CSGALNACT1: variants seen among roughly 807,000 people sequenced by gnomAD.
The protein encoded by CSGALNACT1 is chondroitin sulfate N-acetylgalactosaminyltransferase 1.
CSGALNACT1 carries 52 observed loss-of-function variants against 51.0 expected under a neutral mutation model. The ratio of observed to expected loss-of-function variants is 1.02; its 90% CI spans 0.82 to 1.29. The LOEUF is 1.29. CSGALNACT1 is among the 50% of genes most tolerant of loss of function. CSGALNACT1 has a pLI of 0.00. For missense variants in CSGALNACT1, 935 were observed against 679.2 expected (o/e 1.38, Z -4.19); for synonymous variants, 341 against 254.4 (o/e 1.34, Z -3.24).
chr8:19,440,659 A>G (rs915284284), intron 5 of CSGALNACT1, among the ~76,000 whole-genome samples: 12 of 152,140 alleles, frequency 7.9e-5, no homozygotes, highest in Admixed American at 3.3e-4. Context: ...AACTGGCACA[A>G]GACAGGGATG....
intron 4 of CSGALNACT1, among the ~76,000 whole-genome samples, chr8:19,466,216 G>C (rs932010835): frequency 5.3e-5 from 8 of 152,216 alleles, no homozygotes; most frequent in African/African-American, 1.9e-4. Flanking sequence ...CAGAAATGCT[G>C]AGAGTGGTAA....
At position 19,668,827 on chromosome 8, in the gene CSGALNACT1, A is replaced by G. The variant is rs544148687; in HGVS notation, c.-544+13646T>C. On this transcript the variant is annotated intron_variant, in intron 1 of 9. Transcript: ENST00000332246. ...CTAGGCCTCACAAAGTGCTGGGATT[A>G]CAGGAGTGAGCCACTGTGCCCGGCC... Among the ~76,000 whole-genome samples, 18 of 152,338 alleles carry G rather than the reference A, an allele frequency of 1.2e-4. No individual in the cohort carries two copies. The South Asian group carries it at 3.1e-3, about 26-fold the overall frequency.
intron 8 of CSGALNACT1, among the ~76,000 whole-genome samples, chr8:19,409,203 T>TA (rs1456622714): frequency 6.6e-6 from 1 of 152,102 alleles, no homozygotes; most frequent in Non-Finnish European, 1.5e-5. Flanking sequence ...CCTTGGGGAA[T>TA]AAAAAGAAAT....
At chr8:19,721,162 C>T (rs565391059) in intron 1 of CSGALNACT1, among the ~76,000 whole-genome samples, 2 of 152,302 alleles carry the variant, frequency 1.3e-5, no homozygotes, top group Admixed American at 1.3e-4. Context: ...CCCAGAACCA[C>T]ATTGGAGATA....
chr8:19,697,863 A>C (rs1194970547), intron 1 of CSGALNACT1, among the ~76,000 whole-genome samples: 1 of 152,196 alleles, frequency 6.6e-6, no homozygotes, highest in Admixed American at 6.5e-5. Context: ...GGTAACGTGA[A>C]TTAGAAGAGG....
In CSGALNACT1 at chr8:19,528,508, GAC is replaced by G. The variant is rs201577628; in HGVS notation, c.-296-22380_-296-22379del. On this transcript the variant is annotated intron_variant, in intron 3 of 9. Transcript: ENST00000454498. ...AACACCCCCTTTTCTTGGCCAAAGT[GAC>G]TGCCTCTTTACTAATTACAACTTTA... Among the ~76,000 whole-genome samples, 1,222 of 152,192 alleles carry G rather than the reference GAC, an allele frequency of 8.0e-3. 6 individuals are homozygous for G. Among genetic ancestry groups the G allele is most frequent in the Non-Finnish European group, 0.013 (863 of 68,008 alleles).
chr8:19,634,352 A>G (rs1236864274), intron 1 of CSGALNACT1, among the ~76,000 whole-genome samples: 1 of 152,090 alleles, frequency 6.6e-6, no homozygotes, highest in East Asian at 1.9e-4. Context: ...TCGTGATGGG[A>G]TTAGCGCCCT....
intron 5 of CSGALNACT1, chr8:19,457,633 T>C (rs970839160): frequency 7.9e-7 from 1 of 1,268,486 alleles, no homozygotes. Context: ...AAATAAAAAA[T>C]CAGCTTGATC....
At chr8:19,605,422 T>C (rs1190952966), upstream of CSGALNACT1, among the ~76,000 whole-genome samples, 4 of 151,842 alleles carry the variant, frequency 2.6e-5, no homozygotes, top group African/African-American at 9.7e-5. Flanking sequence ...GGGGAGAGAG[T>C]GAGACTCTGT....
At position 19,536,892 on chromosome 8, in the gene CSGALNACT1, G is replaced by A. The variant is rs74833871; in HGVS notation, c.-296-30762C>T. Among the ~76,000 whole-genome samples, 977 of 152,286 alleles carry A rather than the reference G, an allele frequency of 6.4e-3. 12 individuals carry two copies. Among genetic ancestry groups the A allele is most frequent in the African/African-American group, 0.022 (931 of 41,562 alleles). On this transcript the variant is annotated intron_variant, in intron 3 of 9. Coordinates refer to ENST00000454498, the Ensembl canonical transcript of CSGALNACT1. ...CCAACTGCTTTTTCACAAAGGTACA[G>A]AAGTAATTCAACGGGGGTAAACAGC...
rs370797951 is a variant in CSGALNACT1, at chr8:19,575,565, G to C, written c.-297+15595C>G. Among the ~76,000 whole-genome samples, 94 of 152,246 alleles carry C rather than the reference G, an allele frequency of 6.2e-4. 2 individuals carry two copies. In the East Asian group the frequency reaches 0.012, roughly 19 times the overall value. Reference sequence around the variant, plus strand: ...CCTCCATCAAACAAACATCAGAAAAGCAAGTGTTAAAACAAAACAAAACAA... The same window carrying C: ...CCTCCATCAAACAAACATCAGAAAACCAAGTGTTAAAACAAAACAAAACAA... On this transcript the variant is annotated intron_variant, in intron 3 of 9. Coordinates refer to ENST00000454498, the Ensembl canonical transcript of CSGALNACT1.
intron 1 of CSGALNACT1, among the ~76,000 whole-genome samples, chr8:19,626,435 G>T (rs1753725682): frequency 6.6e-6 from 1 of 151,960 alleles, no homozygotes; most frequent in Non-Finnish European, 1.5e-5. Context: ...ACAAAAATTA[G>T]ATCAAAATGG....
At chr8:19,552,224 A>G (rs2088308319) in intron 3 of CSGALNACT1, among the ~76,000 whole-genome samples, 2 of 152,240 alleles carry the variant, frequency 1.3e-5, no homozygotes, top group Admixed American at 6.5e-5. Context: ...TATAGACACA[A>G]GATGGTTGGC....
intron 1 of CSGALNACT1, among the ~76,000 whole-genome samples, chr8:19,607,815 T>G (rs978775170): frequency 6.6e-6 from 1 of 152,210 alleles, no homozygotes; most frequent in Non-Finnish European, 1.5e-5. Flanking sequence ...TCTGTGATTC[T>G]CAGTGAGGGA....
intron 1 of CSGALNACT1, among the ~76,000 whole-genome samples, chr8:19,630,411 C>T (rs1411619144): frequency 6.6e-6 from 1 of 151,828 alleles, no homozygotes; most frequent in African/African-American, 2.4e-5. Context: ...CCCAACCACC[C>T]CCATCAGTTT....
chr8:19,627,370 C>CGAGTTAGGG (rs1414637680), intron 1 of CSGALNACT1, among the ~76,000 whole-genome samples: 1 of 151,884 alleles, frequency 6.6e-6, no homozygotes, highest in Non-Finnish European at 1.5e-5. Context: ...GGAAGGGGAG[C>CGAGTTAGGG]GAGTTAGGGA....
At chr8:19,418,322 T>C (rs1320046989) in intron 8 of CSGALNACT1, among the ~76,000 whole-genome samples, 2 of 152,198 alleles carry the variant, frequency 1.3e-5, no homozygotes, top group African/African-American at 4.8e-5. Context: ...ATCTCACCTT[T>C]GTTACCTTGT....
chr8:19,700,901 A>G (rs907150330), intron 1 of CSGALNACT1, among the ~76,000 whole-genome samples: 7 of 152,278 alleles, frequency 4.6e-5, no homozygotes, highest in African/African-American at 1.7e-4. Context: ...TGAAGGGGGC[A>G]AAATTTTTGG....
chr8:19,430,647 T>C (rs2059515284), intron 6 of CSGALNACT1, among the ~76,000 whole-genome samples: 1 of 152,272 alleles, frequency 6.6e-6, no homozygotes, highest in East Asian at 1.9e-4. Context: ...GTCCTCCAAT[T>C]TTGTTCTGTT....
Sources: gnomAD v4.1 joint callset for allele counts (sites outside exome capture counted in the v4.1 genomes callset) on GRCh38, gnomAD v4.1.1 for gene constraint, MANE v1.5 for transcripts, NCBI Gene and HGNC (gene_info 2026-07-23, HGNC 2026-07-21) for gene names.